TSEN2: variants seen among roughly 807,000 people sequenced by gnomAD.
TSEN2 encodes the protein tRNA splicing endonuclease subunit 2, also known as tRNA-splicing endonuclease subunit Sen2.
A neutral mutation model predicts 59.2 loss-of-function variants in TSEN2; 54 were observed. The ratio of observed to expected loss-of-function variants is 0.91; its 90% CI spans 0.73 to 1.14. The LOEUF is 1.14. Among genes scored for constraint, TSEN2 ranks in the 50% most tolerant of loss-of-function variants. TSEN2 has a pLI of 0.00. For synonymous variants in TSEN2, 195 were observed against 198.2 expected, an observed-to-expected ratio of 0.98 and a Z score of 0.14; for missense variants, 636 against 576.2, an observed-to-expected ratio of 1.10 and a Z score of -1.06.
chr3:12,481,409 AG>A (rs1474072422), upstream of TSEN2, among the ~76,000 whole-genome samples: 5 of 152,272 alleles, frequency 3.3e-5, no homozygotes, highest in Admixed American at 6.5e-5. Context: ...TCCCAGCTGC[AG>A]GTGAACAAGG....
downstream of TSEN2, among the ~76,000 whole-genome samples, chr3:12,537,341 G>A (rs1322582851): frequency 2.0e-5 from 3 of 152,152 alleles, no homozygotes; most frequent in Admixed American, 2.0e-4. Flanking sequence ...TGAGGCTGCA[G>A]TGAGCCGTGA....
chr3:12,500,770 A>G (rs2054209307), intron 4 of TSEN2, among the ~76,000 whole-genome samples: 1 of 152,186 alleles, frequency 6.6e-6, no homozygotes, highest in Non-Finnish European at 1.5e-5. Context: ...GTAGATGGTC[A>G]CTGAGCCTTA....
At position 12,499,884 on chromosome 3, in the gene TSEN2, G is replaced by T. The variant is rs1486022685; in HGVS notation, c.308+3330G>T. 3.9e-5 allele frequency among the ~76,000 whole-genome samples: 6 copies of T among 152,194 alleles called. No homozygotes were observed. In the East Asian group the frequency reaches 1.2e-3, roughly 29 times the overall value. The stretch of plus-strand genomic sequence containing the variant: ...TGTGGACTTAGGCACTGTGGCCCCA[G>T]AACCTATGTGCGCTAACCACTCTAA... On this transcript the variant is annotated intron_variant, in intron 4 of 11. Coordinates refer to ENST00000284995, the MANE Select transcript of TSEN2 (RefSeq NM_025265.4).
chr3:12,527,946 G>A (rs954427806), intron 8 of TSEN2, among the ~76,000 whole-genome samples: 3 of 152,278 alleles, frequency 2.0e-5, no homozygotes, highest in Non-Finnish European at 2.9e-5. Flanking sequence ...CCAGATTCCA[G>A]AGTCTGTGTG....
At chr3:12,490,107 T>G (rs1360389015) in intron 2 of TSEN2, 118 bp downstream of exon 2, 1 of 1,039,968 alleles carries the variant, frequency 9.6e-7, no homozygotes, top group African/African-American at 1.6e-5. Context: ...TATTCTTTCC[T>G]TGCGGTTTGG....
chr3:12,513,137 A>G (rs2055672294), intron 6 of TSEN2, among the ~76,000 whole-genome samples: 1 of 152,246 alleles, frequency 6.6e-6, no homozygotes, highest in African/African-American at 2.4e-5. Flanking sequence ...GATCAAAGCC[A>G]GTCACCATTT....
chr3:12,496,469 T>G (rs749340399), intron 3 of TSEN2, 49 bp from the exon 4 acceptor site: 2 of 1,589,682 alleles, frequency 1.3e-6, no homozygotes, highest in Non-Finnish European at 1.7e-6. Flanking sequence ...TAGTGTTTGT[T>G]CCCCTTATGG....
intron 1 of TSEN2, among the ~76,000 whole-genome samples, chr3:12,486,532 T>G (rs2052631333): frequency 6.6e-6 from 1 of 152,258 alleles, no homozygotes; most frequent in African/African-American, 2.4e-5. Context: ...TCTTTACTTC[T>G]GAATTTTTTA....
chr3:12,528,370 C>A (rs1383430911), intron 8 of TSEN2, among the ~76,000 whole-genome samples: 7 of 152,118 alleles, frequency 4.6e-5, no homozygotes, highest in Non-Finnish European at 8.8e-5. Flanking sequence ...GTCTTGGCAA[C>A]AGATTTCTTT....
chr3:12,521,341 C>T (rs550873424), intron 8 of TSEN2, among the ~76,000 whole-genome samples: 3 of 152,322 alleles, frequency 2.0e-5, no homozygotes, highest in Non-Finnish European at 2.9e-5. Context: ...CAAATAACTA[C>T]ATGACGTAGT....
At chr3:12,488,890 G>A (rs1314994262) in intron 1 of TSEN2, among the ~76,000 whole-genome samples, 1 of 152,152 alleles carries the variant, frequency 6.6e-6, no homozygotes, top group Non-Finnish European at 1.5e-5. Context: ...CCACACTCGG[G>A]GTCGTCTACA....
intron 10 of TSEN2, 116 bp from the exon 11 acceptor site, chr3:12,531,454 T>C: frequency 1.5e-6 from 1 of 688,474 alleles, no homozygotes; most frequent in Non-Finnish European, 2.7e-6. Context: ...CTCTGTGAGT[T>C]TCCACTTGGA....
Position 12,503,305 on chromosome 3 carries a change from C to T in TSEN2, c.352C>T (p.Gln118Ter). The change falls in exon 5 of 12, where the codon CAG becomes TAG. Residue 118 changes from glutamine to a stop codon, truncating the protein, a stop_gained. Transcript: ENST00000284995. LOFTEE classifies it high-confidence loss of function. ...VEWAAELMRR[Q>*]GQDESTVRRI... Reference sequence around the variant, plus strand: ...GTGGGCAGCAGAGCTGATGCGTAGACAGGGGCAGGATGAGAGTACAGTGCG... The same window carrying T: ...GTGGGCAGCAGAGCTGATGCGTAGATAGGGGCAGGATGAGAGTACAGTGCG... The T allele has an allele frequency of 6.2e-7, 1 of 1,614,170 alleles. No individual in the cohort carries two copies. The highest frequency in any genetic ancestry group is 8.5e-7 in the Non-Finnish European group (1 of 1,180,038).
chr3:12,532,921 A>G lies in TSEN2; in HGVS notation c.*200A>G, dbSNP rs1482405154. 3.2e-6 allele frequency: 2 copies of G among 619,856 alleles called. No individual in the cohort carries two copies. Among genetic ancestry groups the G allele is most frequent in the African/African-American group, 3.7e-5 (2 of 54,140 alleles). 38.4% of individuals were successfully genotyped at this position (619,856 alleles called of 1,614,324 possible). A position where few individuals can be genotyped will look rare whatever the true frequency, so the allele number is the denominator to read the frequency against. On this transcript the variant is annotated 3_prime_UTR_variant, in exon 12 of 12. Transcript: ENST00000284995. ...CCTGTGCTAGGACTGCAGATTCTAT[A>G]CTTGCGTTGGCCTCTAACTCTCCAA...
At chr3:12,522,395 T>C (rs2056720870) in intron 8 of TSEN2, among the ~76,000 whole-genome samples, 1 of 152,072 alleles carries the variant, frequency 6.6e-6, no homozygotes, top group African/African-American at 2.4e-5. Context: ...GTACAATTAA[T>C]GTGGGACCAG....
chr3:12,503,944 T>G (rs768464590), intron 5 of TSEN2, among the ~76,000 whole-genome samples, 160 bp downstream of exon 5: 4 of 152,174 alleles, frequency 2.6e-5, no homozygotes, highest in Non-Finnish European at 5.9e-5. Flanking sequence ...CCATTTCAAC[T>G]AAAACCCCAG....
At chr3:12,526,647 G>C (rs1056308979) in intron 8 of TSEN2, among the ~76,000 whole-genome samples, 1 of 152,216 alleles carries the variant, frequency 6.6e-6, no homozygotes, top group Non-Finnish European at 1.5e-5. Flanking sequence ...AGGTAACTTT[G>C]TGATGCTTAC....
At position 12,532,926 on chromosome 3, in the gene TSEN2, C is replaced by A. The variant is rs1188619429; in HGVS notation, c.*205C>A. ...GCTAGGACTGCAGATTCTATACTTG[C>A]GTTGGCCTCTAACTCTCCAATCCAG... is the stretch of plus-strand genomic sequence containing the variant. On this transcript the variant is annotated 3_prime_UTR_variant, in exon 12 of 12. Transcript: ENST00000284995. 2 of 612,464 alleles carry A rather than the reference C, an allele frequency of 3.3e-6. No individual in the cohort carries two copies. Among genetic ancestry groups the A allele is most frequent in the African/African-American group, 1.9e-5 (1 of 53,982 alleles). 37.9% of individuals were successfully genotyped at this position (612,464 alleles called of 1,614,324 possible).
chr3:12,494,005 T>C (rs2053493936), intron 3 of TSEN2, among the ~76,000 whole-genome samples: 1 of 152,234 alleles, frequency 6.6e-6, no homozygotes, highest in South Asian at 2.1e-4. Context: ...TTTCGTATAC[T>C]GTGTAAAGTA....
Sources: allele counts gnomAD v4.1 joint callset (sites outside exome capture counted in the v4.1 genomes callset), GRCh38; gene constraint gnomAD v4.1.1; transcripts MANE v1.5; gene names NCBI Gene and HGNC (gene_info 2026-07-23, HGNC 2026-07-21).